ZNF585A: variants seen among roughly 807,000 people sequenced by gnomAD.
ZNF585A encodes zinc finger protein 585A.
A neutral mutation model predicts 14.9 loss-of-function variants in ZNF585A; 9 were observed. That is an observed-to-expected ratio of 0.60 (90% CI 0.36 to 1.05). The LOEUF (loss-of-function observed/expected upper bound fraction) is 1.05. Ranked by LOEUF, ZNF585A falls within the 50% of genes least tolerant of loss-of-function variation. ZNF585A has a pLI of 0.01. For missense variants in ZNF585A, 726 were observed against 926.4 expected, an observed-to-expected ratio of 0.78 and a Z score of 2.81; for synonymous variants, 276 against 319.9, an observed-to-expected ratio of 0.86 and a Z score of 1.46.
At chr19:37,172,055 T>A (rs1258762072) in intron 1 of ZNF585A, among the ~76,000 whole-genome samples, 1 of 152,230 alleles carries the variant, frequency 6.6e-6, no homozygotes, top group East Asian at 1.9e-4. Flanking sequence ...GAGACAGATA[T>A]ATTTTTTGAA....
chr19:37,156,018 T>C, intron 3 of ZNF585A, 61 bp from the exon 4 acceptor site: 1 of 1,608,166 alleles, frequency 6.2e-7, no homozygotes, highest in Non-Finnish European at 8.5e-7. Context: ...GCCCAACCAA[T>C]AATCTCTTAT....
chr19:37,155,978 AGGTCTGG>A, intron 3 of ZNF585A, 21 bp from the exon 4 acceptor site: 1 of 1,613,896 alleles, frequency 6.2e-7, no homozygotes, highest in Non-Finnish European at 8.5e-7. Flanking sequence ...GAAATGATAA[AGGTCTGG>A]GTCCAGCTAA....
intron 3 of ZNF585A, 108 bp downstream of exon 3, chr19:37,156,121 T>C (rs1359792038): frequency 1.3e-6 from 2 of 1,559,074 alleles, no homozygotes; most frequent in Admixed American, 3.9e-5. Flanking sequence ...CCTAGACAAA[T>C]CAAGAACAAA....
chr19:37,162,278 G>A (rs1296161042), intron 2 of ZNF585A, among the ~76,000 whole-genome samples: 2 of 152,104 alleles, frequency 1.3e-5, no homozygotes, highest in Admixed American at 6.5e-5. Context: ...AATTGTGTTC[G>A]GAGATTACAA....
In ZNF585A at chr19:37,152,877, A is replaced by G. The variant is rs1367470196; in HGVS notation, c.1022T>C (p.Leu341Pro). Residue 341 changes from leucine (L) to proline (P), a missense_variant, in exon 5 of 5, where the codon CTC (leucine) becomes CCC (proline). Physicochemically the swap from Leu to Pro is moderately conservative, Grantham distance 98. This residue lies in a region of ZNF585A where 483 missense variants were observed against 542.8 expected (regional missense o/e 0.89). Coordinates refer to ENST00000292841, the MANE Select transcript of ZNF585A (RefSeq NM_001288800.2). ...ACTTTGAACTTTCTTATGTGTAACG[A>G]GGTTGGAATTATTGCTGAAGACCTT... is the stretch of plus-strand genomic sequence containing the variant. The part of the protein sequence containing the change: ...YGKVFSNNSN[L>P]VTHKKVQSRE... The G allele has an allele frequency of 1.2e-6, 2 of 1,614,206 alleles. No individual in the cohort carries two copies. Among genetic ancestry groups the G allele is most frequent in the East Asian group, 4.5e-5 (2 of 44,886 alleles).
chr19:37,145,645 C>T lies in ZNF585A; in HGVS notation c.*5944G>A, dbSNP rs1371416011. 6.6e-6 allele frequency: 1 copy of T among 152,086 alleles called. No individual in the cohort carries two copies. Among genetic ancestry groups the T allele is most frequent in the South Asian group, 2.1e-4 (1 of 4,826 alleles). 9.4% of individuals were successfully genotyped at this position (152,086 alleles called of 1,614,324 possible). On this transcript the variant is annotated 3_prime_UTR_variant, in exon 5 of 5. Coordinates refer to ENST00000292841, the MANE Select transcript of ZNF585A (RefSeq NM_001288800.2). ...ATTTCACAAATGTAAACAGAGAGCA[C>T]AATTTTTTGTTTTAATAGCAGCATT...
rs368910177 is a variant in ZNF585A, at chr19:37,151,563, A to C, written c.*26T>G. On this transcript the variant is annotated 3_prime_UTR_variant, in exon 5 of 5. Coordinates refer to ENST00000292841, the MANE Select transcript of ZNF585A (RefSeq NM_001288800.2). Reference sequence around the variant, plus strand: ...CAGTGTACAATCAGACCCAACCCTCAGGGGGGTTTTCTCACACTGTTTCTC... The same window carrying C: ...CAGTGTACAATCAGACCCAACCCTCCGGGGGGTTTTCTCACACTGTTTCTC... 334 of 1,587,522 alleles carry C rather than the reference A, an allele frequency of 2.1e-4. No individual in the cohort carries two copies. The African/African-American group carries it at 4.0e-3, about 19-fold the overall frequency.
At position 37,153,035 on chromosome 19, in the gene ZNF585A, G is replaced by A. The variant is rs753032748; in HGVS notation, c.864C>T (p.His288=). The A allele has an allele frequency of 2.5e-6, 4 of 1,614,050 alleles. No individual in the cohort carries two copies. In the Admixed American group the frequency reaches 6.7e-5, roughly 27 times the overall value. The change falls in exon 5 of 5, where the codon CAC becomes CAT. Residue 288 remains histidine (H), a synonymous_variant. Coordinates refer to ENST00000292841, the MANE Select transcript of ZNF585A (RefSeq NM_001288800.2). ...GTTTTTCTCCAGTATGAATTCTTCG[G>A]TGTGCAATCAAATGGGTCTTCTGGA... ...AFIQKTHLIA[H]RRIHTGEKPY...
At chr19:37,161,180 CAA>C (rs55691375) in intron 2 of ZNF585A, among the ~76,000 whole-genome samples, 8 of 149,958 alleles carry the variant, frequency 5.3e-5, no homozygotes, top group South Asian at 4.2e-4. Flanking sequence ...AACACAGTAA[CAA>C]AAAAAAAAAC....
In ZNF585A at chr19:37,151,682, T is replaced by C; in HGVS notation, c.2217A>G (p.Thr739=). The change falls in exon 5 of 5, where the codon ACA becomes ACG. Residue 739 remains threonine, a synonymous_variant. Transcript: ENST00000292841. ...ACTTGTAGGGTTTGTCTCCAGTGTG[T>C]GTTGTCTGATGTTTATTCAAATTGG... is the stretch of plus-strand genomic sequence containing the variant. ...DRSNLNKHQT[T]HTGDKPYKCG... The C allele has an allele frequency of 6.2e-7, 1 of 1,614,188 alleles. No homozygotes were observed. Among genetic ancestry groups the C allele is most frequent in the Non-Finnish European group, 8.5e-7 (1 of 1,180,048 alleles).
At chr19:37,166,990 C>A (rs1972102558) in intron 2 of ZNF585A, among the ~76,000 whole-genome samples, 1 of 151,848 alleles carries the variant, frequency 6.6e-6, no homozygotes, top group South Asian at 2.1e-4. Flanking sequence ...TGCACCACCA[C>A]ACCTGGCTAA....
At position 37,156,621 on chromosome 19, in the gene ZNF585A, T is replaced by G. The variant is rs889378236; in HGVS notation, c.73-266A>C. On this transcript the variant is annotated intron_variant, in intron 2 of 4. Coordinates refer to ENST00000292841, the MANE Select transcript of ZNF585A (RefSeq NM_001288800.2). ...TTATCATACATCTAAGCCATTCTTT[T>G]ATCTATCCATCTTGCTTCTTTGTAC... Among the ~76,000 whole-genome samples the G allele has an allele frequency of 2.0e-4, 31 of 152,206 alleles. 1 individual carries two copies. Among genetic ancestry groups the G allele is most frequent in the Non-Finnish European group, 1.5e-4 (10 of 68,026 alleles).
chr19:37,153,492 T>A lies in ZNF585A; in HGVS notation c.407A>T (p.Glu136Val). 1 of 1,614,170 alleles carries A rather than the reference T, an allele frequency of 6.2e-7. No homozygotes were observed. Among genetic ancestry groups the A allele is most frequent in the South Asian group, 1.1e-5 (1 of 91,072 alleles). ...GEKAYECAKF[E>V]KIFTQKSQLK... is the part of the protein sequence containing the mutation. The stretch of plus-strand genomic sequence containing the variant: ...CTGTGACTTCTGGGTGAATATCTTT[T>A]CAAATTTGGCGCATTCATAAGCTTT... Residue 136 changes from glutamate to valine, a missense_variant, in exon 5 of 5, where the codon GAA becomes GTA. Physicochemically the swap from Glu to Val is moderately radical, Grantham distance 121. Transcript: ENST00000292841.
chr19:37,164,247 CA>C (rs373376204), intron 2 of ZNF585A, among the ~76,000 whole-genome samples: 1 of 151,636 alleles, frequency 6.6e-6, no homozygotes, highest in African/African-American at 2.4e-5. Flanking sequence ...ACCAAAAATA[CA>C]AAAAATTAGC....
chr19:37,152,872 T>C lies in ZNF585A; in HGVS notation c.1027A>G (p.Thr343Ala). 6.2e-7 allele frequency: 1 copy of C among 1,614,236 alleles called. No homozygotes were observed. The highest frequency in any genetic ancestry group is 1.7e-5 in the Admixed American group (1 of 60,030). ...KVFSNNSNLV[T>A]HKKVQSREKS... ...TCTCTACTTTGAACTTTCTTATGTGTAACGAGGTTGGAATTATTGCTGAAG... is the reference window on the plus strand; with the variant it reads ...TCTCTACTTTGAACTTTCTTATGTGCAACGAGGTTGGAATTATTGCTGAAG... Residue 343 changes from threonine (T) to alanine (A), a missense_variant, in exon 5 of 5, where the codon ACA becomes GCA. Physicochemically the swap from Thr to Ala is moderately conservative, Grantham distance 58 (BLOSUM62 0). This residue lies in a region of ZNF585A where 483 missense variants were observed against 542.8 expected (regional missense o/e 0.89). Coordinates refer to ENST00000292841, the MANE Select transcript of ZNF585A (RefSeq NM_001288800.2).
rs73622766 is a variant in ZNF585A at position 37,160,773 on chromosome 19, G to A, written c.73-4418C>T. ...AAATGGATAAGATAAACCATCTTAT[G>A]ACCATTAAATTAATTTAAATTAATA... On this transcript the variant is annotated intron_variant, in intron 2 of 4. Transcript: ENST00000292841. Among the ~76,000 whole-genome samples, 1,476 of 152,190 alleles carry A rather than the reference G, an allele frequency of 9.7e-3. 25 individuals are homozygous for A. Among genetic ancestry groups the A allele is most frequent in the African/African-American group, 0.034 (1,414 of 41,508 alleles).
In ZNF585A at chr19:37,146,855, A is replaced by T. The variant is rs993826134; in HGVS notation, c.*4734T>A. The stretch of plus-strand genomic sequence containing the variant: ...ATACTCAGTTTGGTACTGCCCTGAC[A>T]TGGAGTTAGAGCTGGGTGTGCTGGA... On this transcript the variant is annotated 3_prime_UTR_variant, in exon 5 of 5. Coordinates refer to ENST00000292841, the MANE Select transcript of ZNF585A (RefSeq NM_001288800.2). 1 of 152,316 alleles carries T rather than the reference A, an allele frequency of 6.6e-6. No individual in the cohort carries two copies. Among genetic ancestry groups the T allele is most frequent in the Non-Finnish European group, 1.5e-5 (1 of 68,174 alleles). The allele number at this position is 152,316 out of a possible 1,614,324, so 9.4% of individuals were successfully genotyped here.
rs1279662170 is a variant in ZNF585A, at chr19:37,152,627, G to A, written c.1272C>T (p.His424=). 5 of 1,613,974 alleles carry A rather than the reference G, an allele frequency of 3.1e-6. No homozygotes were observed. Among genetic ancestry groups the A allele is most frequent in the Non-Finnish European group, 4.2e-6 (5 of 1,180,008 alleles). The change falls in exon 5 of 5, where the codon CAC becomes CAT. Residue 424 remains histidine (H), a synonymous_variant. Coordinates refer to ENST00000292841, the MANE Select transcript of ZNF585A (RefSeq NM_001288800.2). The part of the protein sequence containing the change: ...KCGLAFIQKA[H]LIAHQIIHTG... Reference sequence around the variant, plus strand: ...TATGAATTATTTGATGTGCAATCAAGTGTGCCTTCTGAATGAAGGCCAGTC... The same window carrying A: ...TATGAATTATTTGATGTGCAATCAAATGTGCCTTCTGAATGAAGGCCAGTC...
chr19:37,166,115 G>A (rs1972086998), intron 2 of ZNF585A, among the ~76,000 whole-genome samples: 1 of 152,050 alleles, frequency 6.6e-6, no homozygotes, highest in Non-Finnish European at 1.5e-5. Flanking sequence ...CCAGGTTCAA[G>A]CCATTCTCCT....
Sources: gnomAD v4.1 joint callset for allele counts (sites outside exome capture counted in the v4.1 genomes callset) on GRCh38, gnomAD v4.1.1 for gene constraint, gnomAD v4.1.1 regional missense constraint, MANE v1.5 for transcripts, NCBI Gene and HGNC (gene_info 2026-07-23, HGNC 2026-07-21) for gene names.